Variants in ZNF140 observed in about 807,000 individuals in gnomAD.
ZNF140 encodes zinc finger protein 140 (clone pHZ-39).
Under a neutral mutation model 12.9 loss-of-function variants are expected in ZNF140, and 13 were observed. The observed-to-expected ratio is 1.01, with a 90% CI of 0.66 to 1.60. The LOEUF (loss-of-function observed/expected upper bound fraction) is 1.60, where lower values mean the gene tolerates loss of function less well. Ranked by LOEUF, ZNF140 falls within the 40% of genes most tolerant of loss-of-function variation. The pLI, the probability that ZNF140 is intolerant of heterozygous loss-of-function variation, is 0.00. For missense variants in ZNF140, 531 were observed against 548.8 expected (o/e 0.97, Z 0.32); for synonymous variants, 214 against 186.7 (o/e 1.15, Z -1.19).
In ZNF140 at chr12:133,081,256, C is replaced by A; in HGVS notation, c.-48-17C>A. The A allele has an allele frequency of 6.7e-7, 1 of 1,488,264 alleles. No homozygotes were observed. Among genetic ancestry groups the A allele is most frequent in the Non-Finnish European group, 9.2e-7 (1 of 1,090,116 alleles). 92.2% of individuals were successfully genotyped at this position (1,488,264 alleles called of 1,614,324 possible). ...TAGCTGGCCTGTTCGCTCAGGGCTC[C>A]TTTCTCTCTCTGCCAGGTCTGCCAT... On this transcript the variant is annotated splice_polypyrimidine_tract_variant and intron_variant, in intron 1 of 4. Transcript: ENST00000355557.
chr12:133,093,564 C>T lies in ZNF140; in HGVS notation c.232+10003C>T, dbSNP rs1954967461. On this transcript the variant is annotated intron_variant, in intron 4 of 4. Coordinates refer to ENST00000355557, the MANE Select transcript of ZNF140 (RefSeq NM_003440.4). The stretch of plus-strand genomic sequence containing the variant: ...TGGTTAAACACAAGCAAAATCTCTC[C>T]CCCATGTTATCACCTTCCCTATTTC... 6 of 675,486 alleles carry T rather than the reference C, an allele frequency of 8.9e-6. No individual in the cohort carries two copies. The East Asian group carries it at 1.4e-4, about 15-fold the overall frequency. 41.8% of individuals were successfully genotyped at this position (675,486 alleles called of 1,614,324 possible). A position where few individuals can be genotyped will look rare whatever the true frequency, so the allele number is the denominator to read the frequency against.
At chr12:133,100,252 C>T (rs908176748) in intron 4 of ZNF140, among the ~76,000 whole-genome samples, 4 of 144,094 alleles carry the variant, frequency 2.8e-5, no homozygotes, top group Admixed American at 7.3e-5. Context: ...ACTGCAGCCT[C>T]GAGCTCCTGG....
chr12:133,105,700 A>C lies in ZNF140; in HGVS notation c.423A>C (p.Thr141=), dbSNP rs955312078. ...QENQGCIRKV[T]VSHQEALAQH... ...ATCAGGGATGTATTAGGAAAGTAAC[A>C]GTCTCTCATCAAGAAGCCCTGGCTC... is the stretch of plus-strand genomic sequence containing the variant. The change falls in exon 5 of 5, where the codon ACA becomes ACC. Residue 141 remains threonine, a synonymous_variant. Transcript: ENST00000355557. The C allele has an allele frequency of 4.0e-5, 64 of 1,614,102 alleles. No homozygotes were observed. The highest frequency in any genetic ancestry group is 5.3e-5 in the Non-Finnish European group (63 of 1,180,038).
In ZNF140 at chr12:133,091,182, G is replaced by A. The variant is rs1454909349; in HGVS notation, c.232+7621G>A. Among the ~76,000 whole-genome samples the A allele has an allele frequency of 5.3e-5, 8 of 150,370 alleles. 2 individuals are homozygous for A. The highest frequency in any genetic ancestry group is 1.0e-4 in the Non-Finnish European group (7 of 67,540). ...GGCCATATTTCAGACTCTCACATTG[G>A]GAGAAACCTTGGACAATACCCTGCT... On this transcript the variant is annotated intron_variant, in intron 4 of 4. Transcript: ENST00000355557.
rs1955609864 is a variant in ZNF140, at chr12:133,106,638, C to T, written c.1361C>T (p.Thr454Ile). ...ENSFNYHSFL[T>I]EHQ ...TCATTTAATTACCACTCATTCCTTACTGAACACCAGTGAATTTACACTGCA... is the reference window on the plus strand; with the variant it reads ...TCATTTAATTACCACTCATTCCTTATTGAACACCAGTGAATTTACACTGCA... Residue 454 changes from threonine to isoleucine, a missense_variant, in exon 5 of 5, where the codon ACT becomes ATT. Physicochemically the swap from Thr to Ile is moderately conservative, Grantham distance 89 (BLOSUM62 -1). Transcript: ENST00000355557. 4 of 1,585,796 alleles carry T rather than the reference C, an allele frequency of 2.5e-6. No individual in the cohort carries two copies. The South Asian group carries it at 4.6e-5, about 18-fold the overall frequency.
chr12:133,097,213 TATTCTA>T (rs1355456362), intron 4 of ZNF140, among the ~76,000 whole-genome samples: 1 of 152,274 alleles, frequency 6.6e-6, no homozygotes, highest in Non-Finnish European at 1.5e-5. Context: ...TGTACTCACT[TATTCTA>T]AATCTATATG....
rs931902410 is a variant in ZNF140, at chr12:133,083,063, C to T, written c.10-40C>T. On this transcript the variant is annotated intron_variant, in intron 2 of 4. Coordinates refer to ENST00000355557, the MANE Select transcript of ZNF140 (RefSeq NM_003440.4). ...ATTCCTTGATGAGGGAGTTTGGGGGCATGCGTGCTGGTCATGCAAATATCT... is the reference window on the plus strand; with the variant it reads ...ATTCCTTGATGAGGGAGTTTGGGGGTATGCGTGCTGGTCATGCAAATATCT... 83 of 1,613,594 alleles carry T rather than the reference C, an allele frequency of 5.1e-5. 1 individual carries two copies. The African/African-American group carries it at 9.9e-4, about 19-fold the overall frequency.
chr12:133,096,015 CTT>C (rs1408592417), intron 4 of ZNF140, among the ~76,000 whole-genome samples: 25 of 151,150 alleles, frequency 1.7e-4, no homozygotes, highest in African/African-American at 5.3e-4. Context: ...AGGCTTTCCT[CTT>C]TTACCAATCC....
chr12:133,095,595 C>CT (rs1378473923), intron 4 of ZNF140, among the ~76,000 whole-genome samples: 2 of 151,252 alleles, frequency 1.3e-5, no homozygotes. Flanking sequence ...AGGGGACCGG[C>CT]ATCAGCATAC....
intron 4 of ZNF140, among the ~76,000 whole-genome samples, chr12:133,105,171 GA>G (rs1424163689): frequency 6.6e-6 from 1 of 152,174 alleles, no homozygotes; most frequent in African/African-American, 2.4e-5. Flanking sequence ...GCAGCATTAT[GA>G]AATTGCCATT....
At chr12:133,086,888 T>A (rs976559772) in intron 4 of ZNF140, among the ~76,000 whole-genome samples, 7 of 152,250 alleles carry the variant, frequency 4.6e-5, no homozygotes, top group Non-Finnish European at 1.0e-4. Flanking sequence ...TATTGATAGA[T>A]CAACCATTTT....
chr12:133,091,002 T>C (rs1346039467), intron 4 of ZNF140, among the ~76,000 whole-genome samples: 3 of 148,794 alleles, frequency 2.0e-5, no homozygotes, highest in South Asian at 2.2e-4. Context: ...CAATCGGGTT[T>C]TATACCGAGA....
At chr12:133,086,833 A>T (rs1227348090) in intron 4 of ZNF140, among the ~76,000 whole-genome samples, 1 of 152,208 alleles carries the variant, frequency 6.6e-6, no homozygotes, top group Non-Finnish European at 1.5e-5. Flanking sequence ...TTAGTAGTCA[A>T]CTTTGCTATC....
At chr12:133,087,987 G>A (rs1293246093) in intron 4 of ZNF140, among the ~76,000 whole-genome samples, 3 of 151,924 alleles carry the variant, frequency 2.0e-5, no homozygotes, top group Admixed American at 6.6e-5. Flanking sequence ...AAAATTAGCC[G>A]GGTGTGGTGG....
intron 4 of ZNF140, among the ~76,000 whole-genome samples, chr12:133,104,102 C>T (rs1455658589): frequency 1.5e-4 from 23 of 152,218 alleles, no homozygotes; most frequent in Non-Finnish European, 2.9e-5. Context: ...ACATTTTTCC[C>T]AAAGTGCCAA....
chr12:133,093,813 T>TCA (rs1431935110), intron 4 of ZNF140, among the ~76,000 whole-genome samples: 2 of 150,874 alleles, frequency 1.3e-5, no homozygotes, highest in East Asian at 1.9e-4. Context: ...TCTCTCTCTC[T>TCA]CACACACTTT....
rs1477914403 is a variant in ZNF140, at chr12:133,106,320, A to AGAG, written c.1044_1046dup (p.Arg349dup). On this transcript the variant is annotated inframe_insertion, in exon 5 of 5. Coordinates refer to ENST00000355557, the MANE Select transcript of ZNF140 (RefSeq NM_003440.4). ...TGTCACTCATTCCTTATTAAACATC[A>AGAG]GAGAATTCATGCTGGAGAAAAGCTC... 6.2e-7 allele frequency: 1 copy of AGAG among 1,614,112 alleles called. No homozygotes were observed.
intron 4 of ZNF140, among the ~76,000 whole-genome samples, chr12:133,104,402 A>C (rs1198763993): frequency 2.0e-5 from 3 of 148,450 alleles, no homozygotes; most frequent in Admixed American, 6.7e-5. Flanking sequence ...CCCAGGTTGG[A>C]GTGCAGTGGC....
intron 4 of ZNF140, among the ~76,000 whole-genome samples, chr12:133,094,285 T>C (rs1172491337): frequency 1.3e-5 from 2 of 151,370 alleles, no homozygotes; most frequent in South Asian, 4.2e-4. Flanking sequence ...GGCAACACTT[T>C]CCACTGAAAT....
Sources: gnomAD v4.1 joint callset for allele counts (sites outside exome capture counted in the v4.1 genomes callset) on GRCh38, gnomAD v4.1.1 for gene constraint, MANE v1.5 for transcripts, NCBI Gene and HGNC (gene_info 2026-07-23, HGNC 2026-07-21) for gene names.